The following NEK8 variants were observed in gnomAD, a reference collection of about 807,000 sequenced individuals.
The protein encoded by NEK8 is serine/threonine-protein kinase Nek8.
Under a neutral mutation model 77.2 loss-of-function variants are expected in NEK8, and 51 were observed. The ratio of observed to expected loss-of-function variants is 0.66; its 90% CI spans 0.53 to 0.83. The LOEUF is 0.83. Ranked by LOEUF, NEK8 falls within the 40% of genes least tolerant of loss-of-function variation. The pLI, the probability that NEK8 is intolerant of heterozygous loss-of-function variation, is 0.00. For synonymous variants in NEK8, 365 were observed against 363.2 expected, an observed-to-expected ratio of 1.00 and a Z score of -0.06; for missense variants, 787 against 909.2, an observed-to-expected ratio of 0.87 and a Z score of 1.73.
chr17:28,735,972 T>C (rs976150613), intron 4 of NEK8, among the ~76,000 whole-genome samples: 3 of 131,020 alleles, frequency 2.3e-5, no homozygotes, highest in African/African-American at 8.6e-5. Flanking sequence ...TTCCCCTTCC[T>C]GTGTCCATGT....
Position 28,742,423 on chromosome 17 carries a change from C to G in NEK8, c.*436C>G. On this transcript the variant is annotated 3_prime_UTR_variant, in exon 15 of 15. Transcript: ENST00000268766. ...CCTGGCTAACGTGGTGAAACCCCATCTCTACTAAAAATACAAAAAAATTAG... is the reference window on the plus strand; with the variant it reads ...CCTGGCTAACGTGGTGAAACCCCATGTCTACTAAAAATACAAAAAAATTAG... 1 of 266,900 alleles carries G rather than the reference C, an allele frequency of 3.7e-6. No homozygotes were observed. Among genetic ancestry groups the G allele is most frequent in the East Asian group, 9.3e-5 (1 of 10,782 alleles). 16.5% of individuals were successfully genotyped at this position (266,900 alleles called of 1,614,324 possible). A position where few individuals can be genotyped will look rare whatever the true frequency, so the allele number is the denominator to read the frequency against.
rs1383930896 is a variant in NEK8 at position 28,735,353 on chromosome 17, G to A, written c.600G>A (p.Lys200=). The A allele has an allele frequency of 6.2e-7, 1 of 1,613,908 alleles. No homozygotes were observed. The highest frequency in any genetic ancestry group is 8.5e-7 in the Non-Finnish European group (1 of 1,179,912). The change falls in exon 4 of 15, where the codon AAG becomes AAA. Residue 200 remains lysine, a synonymous_variant. Coordinates refer to ENST00000268766, the MANE Select transcript of NEK8 (RefSeq NM_178170.3). ...GCVLYELASL[K]RAFEAANLPA... is the part of the protein sequence containing the mutation. ...TCCTCTACGAGCTGGCCAGCCTCAA[G>A]AGGGCTTTCGAGGCTGCGGTGAGTG...
Position 28,738,685 on chromosome 17 carries a change from A to G in NEK8, c.1237A>G (p.Met413Val), listed in dbSNP as rs141650477. Residue 413 changes from methionine (M) to valine (V), a missense_variant, in exon 9 of 15, where the codon ATG (methionine) becomes GTG (valine). By Grantham distance (21) the Met-to-Val change is conservative (BLOSUM62 1). Around this residue, in one of 2 missense-constraint regions of NEK8, gnomAD observed 516 missense variants for 544.0 expected, o/e 0.95. Coordinates refer to ENST00000268766, the MANE Select transcript of NEK8 (RefSeq NM_178170.3). ...CTTCTCCCCAGACAGAGGCATCATC[A>G]TGACATTCGGCAGCGGCAGCAATGG... ...TACLTDRGIIMTFGSGSNGCL... is the reference protein window; with the variant it reads ...TACLTDRGIIVTFGSGSNGCL... The G allele has an allele frequency of 6.2e-7, 1 of 1,613,966 alleles. No individual in the cohort carries two copies. The highest frequency in any genetic ancestry group is 1.3e-5 in the African/African-American group (1 of 74,918).
At chr17:28,738,842 C>T in intron 9 of NEK8, 95 bp downstream of exon 9, 2 of 1,011,802 alleles carry the variant, frequency 2.0e-6, no homozygotes, top group Non-Finnish European at 3.1e-6. Context: ...GGGGAGTTCC[C>T]AGCAACCACA....
intron 1 of NEK8, among the ~76,000 whole-genome samples, chr17:28,732,058 G>A (rs991666706): frequency 6.6e-6 from 1 of 150,644 alleles, no homozygotes; most frequent in Admixed American, 6.6e-5. Flanking sequence ...AGTCTCCCGA[G>A]TAGCTGGGAC....
rs377432490 is a variant in NEK8 at position 28,737,545 on chromosome 17, C to T, written c.827+31C>T. 5.6e-5 allele frequency: 90 copies of T among 1,612,396 alleles called. No homozygotes were observed. In the African/African-American group the frequency reaches 8.1e-4, roughly 15 times the overall value. On this transcript the variant is annotated intron_variant, in intron 5 of 14. Transcript: ENST00000268766. This position sits in a 1 kb window ranked among gnomAD's most constrained non-coding sequence, Gnocchi z 4.8. Reference sequence around the variant, plus strand: ...TGCAGGGACAGCGAGCGGTCCTGGGCGGCAGGGTGTGGGCACCCAGTGGGA... The same window carrying T: ...TGCAGGGACAGCGAGCGGTCCTGGGTGGCAGGGTGTGGGCACCCAGTGGGA...
chr17:28,736,616 GGGT>G (rs2034367938), intron 4 of NEK8, among the ~76,000 whole-genome samples: 1 of 151,862 alleles, frequency 6.6e-6, no homozygotes, highest in Non-Finnish European at 1.5e-5. Context: ...CTTGTTGATG[GGGT>G]TGTTTTTTTC....
rs550716433 is a variant in NEK8 at position 28,735,385 on chromosome 17, C to T, written c.618+14C>T. 3.1e-6 allele frequency: 5 copies of T among 1,611,962 alleles called. No individual in the cohort carries two copies. The highest frequency in any genetic ancestry group is 1.7e-4 in the Middle Eastern group (1 of 5,912). On this transcript the variant is annotated intron_variant, in intron 4 of 14. Transcript: ENST00000268766. ...TTCGAGGCTGCGGTGAGTGTATGCACCCTCCAGGGGACAACTGAGAAATCT... is the reference window on the plus strand; with the variant it reads ...TTCGAGGCTGCGGTGAGTGTATGCATCCTCCAGGGGACAACTGAGAAATCT...
intron 1 of NEK8, among the ~76,000 whole-genome samples, chr17:28,731,619 T>C (rs1304455604): frequency 6.6e-6 from 1 of 150,868 alleles, no homozygotes; most frequent in Non-Finnish European, 1.5e-5. Flanking sequence ...TTTTTTTTTT[T>C]CTGAGACAGA....
chr17:28,737,035 C>T lies in NEK8; in HGVS notation c.619-271C>T. Among the ~76,000 whole-genome samples the T allele has an allele frequency of 1.6e-5, 2 of 121,852 alleles. No homozygotes were observed. Among genetic ancestry groups the T allele is most frequent in the African/African-American group, 2.8e-5 (1 of 35,592 alleles). The allele number at this position is 121,852 out of a possible 152,430, so 79.9% of individuals were successfully genotyped here. A position where few individuals can be genotyped will look rare whatever the true frequency, so the allele number is the denominator to read the frequency against. On this transcript the variant is annotated intron_variant, in intron 4 of 14. Coordinates refer to ENST00000268766, the MANE Select transcript of NEK8 (RefSeq NM_178170.3). The surrounding 1 kb of genome is among the most constrained non-coding windows in gnomAD (Gnocchi z 4.8). ...CCATTTATTAAATAGGGAATCCTTT[C>T]CCCATTTCTTGTTTTTCTCAGGTTT...
At chr17:28,734,619 G>T in intron 2 of NEK8, 153 bp from the exon 3 acceptor site, 1 of 639,082 alleles carries the variant, frequency 1.6e-6, no homozygotes, top group Admixed American at 2.5e-5. Flanking sequence ...GGGAGGGGGG[G>T]CTTGCAGCAG....
intron 2 of NEK8, 66 bp downstream of exon 2, chr17:28,734,254 A>C: frequency 7.2e-7 from 1 of 1,392,202 alleles, no homozygotes; most frequent in Admixed American, 1.7e-5. Flanking sequence ...GCAGACACAG[A>C]TCTCCTGGCT....
chr17:28,741,702 C>T lies in NEK8; in HGVS notation c.2050+131C>T, dbSNP rs1400723630. ...CCCCAGATAAAAAAAGCAGAAGCTG[C>T]GGTTGAAAAGCTTCAAGCTTCCTGC... On this transcript the variant is annotated intron_variant, in intron 14 of 14. Transcript: ENST00000268766. This position sits in a 1 kb window ranked among gnomAD's most constrained non-coding sequence, Gnocchi z 4.5. 9 of 1,237,936 alleles carry T rather than the reference C, an allele frequency of 7.3e-6. No individual in the cohort carries two copies. Among genetic ancestry groups the T allele is most frequent in the African/African-American group, 4.4e-5 (3 of 67,612 alleles). The allele number at this position is 1,237,936 out of a possible 1,614,324, so 76.7% of individuals were successfully genotyped here. A position where few individuals can be genotyped will look rare whatever the true frequency, so the allele number is the denominator to read the frequency against.
In NEK8 at chr17:28,735,235, T is replaced by C. The variant is rs1264128813; in HGVS notation, c.487-5T>C. ...AGGGCTGTGATCCCAGCTTCTATCC[T>C]GCAGGTGGTGGGTACCCCATGCTAT... On this transcript the variant is annotated splice_polypyrimidine_tract_variant and splice_region_variant and intron_variant, in intron 3 of 14. Transcript: ENST00000268766. 6.2e-7 allele frequency: 1 copy of C among 1,614,026 alleles called. No homozygotes were observed.
chr17:28,741,106 C>T lies in NEK8; in HGVS notation c.1761C>T (p.Ser587=). ...TASGDCYTFG[S]NQHGQLGTNT... ...CGGGTGATTGCTACACTTTTGGCAG[C>T]AATCAGCACGGACAGTTGGGCACCA... The change falls in exon 13 of 15, where the codon AGC becomes AGT. Residue 587 remains serine (S), a synonymous_variant. Coordinates refer to ENST00000268766, the MANE Select transcript of NEK8 (RefSeq NM_178170.3). The surrounding 1 kb of genome is among the most constrained non-coding windows in gnomAD (Gnocchi z 4.5). 6.2e-7 allele frequency: 1 copy of T among 1,614,180 alleles called. No homozygotes were observed. The highest frequency in any genetic ancestry group is 1.3e-5 in the African/African-American group (1 of 75,048).
chr17:28,735,842 T>G (rs1473310691), intron 4 of NEK8, among the ~76,000 whole-genome samples: 1 of 152,094 alleles, frequency 6.6e-6, no homozygotes, highest in East Asian at 1.9e-4. Context: ...TTGATACGTA[T>G]GTATACATGT....
Position 28,728,843 on chromosome 17 carries a change from G to A in NEK8, c.30G>A (p.Val10=), listed in dbSNP as rs1216270944. 2 of 1,551,488 alleles carry A rather than the reference G, an allele frequency of 1.3e-6. No homozygotes were observed. Among genetic ancestry groups the A allele is most frequent in the South Asian group, 1.2e-5 (1 of 84,072 alleles). Residue 10 remains valine, a synonymous_variant, in exon 1 of 15, where the codon GTG becomes GTA. Coordinates refer to ENST00000268766, the MANE Select transcript of NEK8 (RefSeq NM_178170.3). MEKYERIRV[V]GRGAFGIVHL... ...AGAAGTACGAGCGGATCCGAGTGGT[G>A]GGGAGAGGTGCCTTCGGGTGAGCCA... is the stretch of plus-strand genomic sequence containing the variant.
At chr17:28,733,217 C>T (rs2034327624) in intron 1 of NEK8, among the ~76,000 whole-genome samples, 1 of 152,026 alleles carries the variant, frequency 6.6e-6, no homozygotes, top group Non-Finnish European at 1.5e-5. Flanking sequence ...ATTTTAATAA[C>T]TGGAGGATGA....
In NEK8 at chr17:28,738,315, A is replaced by G. The variant is rs1333428880; in HGVS notation, c.1222+70A>G. 5 of 1,552,190 alleles carry G rather than the reference A, an allele frequency of 3.2e-6. No individual in the cohort carries two copies. In the South Asian group the frequency reaches 5.6e-5, roughly 17 times the overall value. ...CAGAGCACCTTCTCTCTTCTCTTGC[A>G]AAACACGCACTTAATGAATGCTTCT... On this transcript the variant is annotated intron_variant, in intron 8 of 14. Transcript: ENST00000268766.
Sources: gnomAD v4.1 joint callset for allele counts (sites outside exome capture counted in the v4.1 genomes callset) on GRCh38, gnomAD v4.1.1 for gene constraint, gnomAD v4.1.1 regional missense constraint, Gnocchi (gnomAD v3.1) non-coding constraint, MANE v1.5 for transcripts, NCBI Gene and HGNC (gene_info 2026-07-23, HGNC 2026-07-21) for gene names.